COL5A2: variants seen among roughly 807,000 people sequenced by gnomAD.
COL5A2 encodes collagen alpha-2(V) chain.
In COL5A2, 23 loss-of-function variants were observed where a neutral mutation model predicts 208.2. That is an observed-to-expected ratio of 0.11 (90% confidence interval 0.08 to 0.16). The LOEUF (loss-of-function observed/expected upper bound fraction) is 0.16, where lower values mean the gene tolerates loss of function less well. Among genes scored for constraint, COL5A2 ranks in the 10% least tolerant of loss-of-function variants. The probability of loss-of-function intolerance (pLI) is 1.00; values close to 1 mark genes in which losing one functional copy is unlikely to be tolerated. For synonymous variants in COL5A2, 625 were observed against 628.5 expected (o/e 0.99, Z 0.08); for missense variants, 1,590 against 1,956.4 (o/e 0.81, Z 3.53).
At chr2:189,414,637 C>T in the COL5A2 span, among the ~76,000 whole-genome samples, 1 of 151,212 alleles carries the variant, frequency 6.6e-6, no homozygotes, top group African/African-American at 2.4e-5. Context: ...ATAATCCCAA[C>T]TACTCGAAGG....
At chr2:189,212,258 T>G (rs1278200935) in intron 1 of COL5A2, among the ~76,000 whole-genome samples, 1 of 152,158 alleles carries the variant, frequency 6.6e-6, no homozygotes, top group African/African-American at 2.4e-5. Flanking sequence ...CCGAGCTTAC[T>G]GGAACTAGGA....
chr2:189,421,481 AC>A, the COL5A2 span, among the ~76,000 whole-genome samples: 2 of 151,952 alleles, frequency 1.3e-5, no homozygotes, highest in African/African-American at 4.8e-5. Flanking sequence ...TACCTGCAGC[AC>A]CCCTTCCCCA....
the COL5A2 span, among the ~76,000 whole-genome samples, chr2:189,432,743 C>T: frequency 7.2e-5 from 11 of 152,128 alleles, no homozygotes; most frequent in Non-Finnish European, 1.3e-4. Flanking sequence ...GAGACTTTAA[C>T]ACCCCACTCT....
chr2:189,409,605 T>A, the COL5A2 span, among the ~76,000 whole-genome samples: 1 of 152,214 alleles, frequency 6.6e-6, no homozygotes, highest in South Asian at 2.1e-4. Flanking sequence ...AAATTCAGAA[T>A]AGAACTACTA....
the COL5A2 span, among the ~76,000 whole-genome samples, chr2:189,303,358 T>G: frequency 6.6e-6 from 1 of 152,158 alleles, no homozygotes; most frequent in Non-Finnish European, 1.5e-5. Flanking sequence ...AAGACTTGCT[T>G]TCAGGTGCAT....
At chr2:189,086,271 GC>G (rs1362611582) in intron 9 of COL5A2, among the ~76,000 whole-genome samples, 1 of 151,958 alleles carries the variant, frequency 6.6e-6, no homozygotes, top group Non-Finnish European at 1.5e-5. Context: ...TATTTTACTG[GC>G]ATCTGATAGG....
chr2:189,195,371 G>C (rs183091992), intron 1 of COL5A2, among the ~76,000 whole-genome samples: 1 of 152,264 alleles, frequency 6.6e-6, no homozygotes. Context: ...TTAATATCGT[G>C]AAAATGGCCA....
chr2:189,391,066 T>C, the COL5A2 span, among the ~76,000 whole-genome samples: 1 of 152,192 alleles, frequency 6.6e-6, no homozygotes, highest in Admixed American at 6.5e-5. Flanking sequence ...AAGTCATTAG[T>C]CAGGGAAACT....
chr2:189,340,683 T>C, the COL5A2 span, among the ~76,000 whole-genome samples: 3 of 152,208 alleles, frequency 2.0e-5, no homozygotes, highest in Non-Finnish European at 4.4e-5. Flanking sequence ...GGGGATTGAA[T>C]AGTTTTCATT....
chr2:189,068,968 A>G, intron 18 of COL5A2, 84 bp from the exon 19 acceptor site: 2 of 961,160 alleles, frequency 2.1e-6, no homozygotes, highest in Non-Finnish European at 3.3e-6. Flanking sequence ...TTGGAATTTT[A>G]CATTTGAAAC....
chr2:189,149,629 A>G (rs1688107226), intron 1 of COL5A2, among the ~76,000 whole-genome samples: 1 of 152,246 alleles, frequency 6.6e-6, no homozygotes, highest in Non-Finnish European at 1.5e-5. Flanking sequence ...GAACTTGGCT[A>G]AACATCAACA....
At chr2:189,100,292 G>T (rs1261958792) in intron 3 of COL5A2, among the ~76,000 whole-genome samples, 153 bp from the exon 4 acceptor site, 2 of 152,024 alleles carry the variant, frequency 1.3e-5, no homozygotes, top group Non-Finnish European at 2.9e-5. Context: ...CAATTTTTAG[G>T]ATATTTAGTC....
chr2:189,373,506 T>C, the COL5A2 span, among the ~76,000 whole-genome samples: 13 of 152,294 alleles, frequency 8.5e-5, no homozygotes, highest in African/African-American at 2.4e-4. Flanking sequence ...ACCTCTCTGG[T>C]TTCTATTTTT....
intron 1 of COL5A2, among the ~76,000 whole-genome samples, chr2:189,119,100 A>C (rs917703956): frequency 6.6e-6 from 1 of 152,132 alleles, no homozygotes; most frequent in African/African-American, 2.4e-5. Flanking sequence ...AAAACCAGCC[A>C]AATGCCATAG....
chr2:189,402,728 C>T, the COL5A2 span, among the ~76,000 whole-genome samples: 7 of 152,104 alleles, frequency 4.6e-5, no homozygotes, highest in Non-Finnish European at 5.9e-5. Context: ...TTTACGGATT[C>T]TGTATTCTAT....
chr2:189,141,636 A>C (rs1398658373), intron 1 of COL5A2, among the ~76,000 whole-genome samples: 1 of 152,230 alleles, frequency 6.6e-6, no homozygotes, highest in Non-Finnish European at 1.5e-5. Flanking sequence ...TTTTAAAGTT[A>C]GCACGCTCAT....
the COL5A2 span, among the ~76,000 whole-genome samples, chr2:189,373,574 T>A: frequency 6.6e-6 from 1 of 152,220 alleles, no homozygotes; most frequent in Non-Finnish European, 1.5e-5. Context: ...AGGTTCCTAC[T>A]AGGTAAAGTC....
At chr2:189,320,297 C>G in the COL5A2 span, among the ~76,000 whole-genome samples, 1 of 152,192 alleles carries the variant, frequency 6.6e-6, no homozygotes, top group Non-Finnish European at 1.5e-5. Context: ...TCACCAGCAA[C>G]AGAACAAAGC....
the COL5A2 span, among the ~76,000 whole-genome samples, chr2:189,251,489 G>A: frequency 1.3e-5 from 2 of 152,074 alleles, no homozygotes; most frequent in South Asian, 2.1e-4. Context: ...AAGAACCATC[G>A]TGATGGGTTA....
Sources: allele counts gnomAD v4.1 joint callset (sites outside exome capture counted in the v4.1 genomes callset), GRCh38; gene constraint gnomAD v4.1.1; transcripts MANE v1.5; gene names NCBI Gene and HGNC (gene_info 2026-07-23, HGNC 2026-07-21).